The following ABCG2 variants were observed in gnomAD, a reference collection of about 807,000 sequenced individuals.
ABCG2 encodes ATP binding cassette subfamily G member 2 (JR blood group), also known as broad substrate specificity ATP-binding cassette transporter ABCG2.
Under a neutral mutation model 73.5 loss-of-function variants are expected in ABCG2, and 80 were observed. The ratio of observed to expected loss-of-function variants is 1.09; its 90% CI spans 0.91 to 1.31. ABCG2 has a LOEUF of 1.31. Ranked by LOEUF, ABCG2 falls within the 50% of genes most tolerant of loss-of-function variation. The pLI, the probability that ABCG2 is intolerant of heterozygous loss-of-function variation, is 0.00. For missense variants in ABCG2, 796 were observed against 786.2 expected, an observed-to-expected ratio of 1.01 and a Z score of -0.15; for synonymous variants, 269 against 282.4, an observed-to-expected ratio of 0.95 and a Z score of 0.48.
chr4:88,216,490 G>C (rs968325481), intron 1 of ABCG2, among the ~76,000 whole-genome samples: 7 of 152,168 alleles, frequency 4.6e-5, no homozygotes, highest in African/African-American at 1.7e-4. Flanking sequence ...TGCAAACTGT[G>C]CCAGCATGGA....
intron 1 of ABCG2, among the ~76,000 whole-genome samples, chr4:88,188,345 C>G (rs1245955967): frequency 6.6e-6 from 1 of 151,884 alleles, no homozygotes; most frequent in Non-Finnish European, 1.5e-5. Context: ...AAACGTCTGT[C>G]TCTATGCCCA....
intron 1 of ABCG2, among the ~76,000 whole-genome samples, chr4:88,203,898 C>G (rs2110116984): frequency 6.6e-6 from 1 of 151,848 alleles, no homozygotes; most frequent in South Asian, 2.1e-4. Context: ...TACAGATTAC[C>G]CTGAAATACT....
Position 88,131,134 on chromosome 4 carries a change from G to T in ABCG2, c.458C>A (p.Thr153Lys), listed in dbSNP as rs753759474. 6.2e-7 allele frequency: 1 copy of T among 1,613,804 alleles called. No homozygotes were observed. The highest frequency in any genetic ancestry group is 8.5e-7 in the Non-Finnish European group (1 of 1,179,954). The change falls in exon 5 of 16, where the codon ACG becomes AAG. Residue 153 changes from threonine to lysine, a missense_variant. Thr to Lys is a moderately conservative substitution (Grantham distance 78, BLOSUM62 -1). Transcript: ENST00000237612. ...AATCCGTTCGTTTTTTTCATGATTC[G>T]TCATAGTTGTTGCAAGCCGAAGAGC... Reference protein sequence around the residue: ...SAALRLATTMTNHEKNERINR... With the variant: ...SAALRLATTMKNHEKNERINR...
At chr4:88,180,269 C>T (rs552184278) in intron 1 of ABCG2, among the ~76,000 whole-genome samples, 95 of 152,154 alleles carry the variant, frequency 6.2e-4, no homozygotes, top group African/African-American at 2.1e-3. Flanking sequence ...AGTGACATGA[C>T]ATATTTAAAG....
chr4:88,128,529 C>G lies in ABCG2; in HGVS notation c.531+2532G>C, dbSNP rs144820227. On this transcript the variant is annotated intron_variant, in intron 5 of 15. Transcript: ENST00000237612. ...AAAGACTTGGAACCAACCCAAATGC[C>G]CATAATGATAGACTGAATAAAGAAA... Among the ~76,000 whole-genome samples the G allele has an allele frequency of 2.9e-3, 449 of 152,258 alleles. 2 individuals carry two copies. The highest frequency in any genetic ancestry group is 0.01 in the African/African-American group (427 of 41,542).
At chr4:88,171,674 G>A (rs757942558) in intron 1 of ABCG2, among the ~76,000 whole-genome samples, 1 of 151,456 alleles carries the variant, frequency 6.6e-6, no homozygotes, top group Non-Finnish European at 1.5e-5. Context: ...TCTATGGCTT[G>A]CTTGATCTCT....
chr4:88,139,899 C>G lies in ABCG2; in HGVS notation c.97G>C (p.Glu33Gln). The G allele has an allele frequency of 6.2e-7, 1 of 1,614,152 alleles. No homozygotes were observed. Among genetic ancestry groups the G allele is most frequent in the South Asian group, 1.1e-5 (1 of 91,084 alleles). The stretch of plus-strand genomic sequence containing the variant: ...TTATGAAAACTTAACACAGCTCCTT[C>G]AGTAAATGCCTTCAGGTCATTGGAA... The part of the protein sequence containing the change: ...TASNDLKAFT[E>Q]GAVLSFHNIC... The change falls in exon 2 of 16, where the codon GAA becomes CAA. Residue 33 changes from glutamate to glutamine, a missense_variant. Glu to Gln is a conservative substitution (Grantham distance 29). Coordinates refer to ENST00000237612, the MANE Select transcript of ABCG2 (RefSeq NM_004827.3).
rs529600063 is a variant in ABCG2, at chr4:88,202,373, T to C, written c.-20+28621A>G. 2.7e-3 allele frequency among the ~76,000 whole-genome samples: 352 copies of C among 128,352 alleles called. 30 individuals carry two copies. Among genetic ancestry groups the C allele is most frequent in the African/African-American group, 9.3e-3 (313 of 33,754 alleles). 84.2% of individuals were successfully genotyped at this position (128,352 alleles called of 152,430 possible). ...AATTATTTATATATATATATATATATATATGTATATTTTAATTAGCTGGGC... is the reference window on the plus strand; with the variant it reads ...AATTATTTATATATATATATATATACATATGTATATTTTAATTAGCTGGGC... On this transcript the variant is annotated intron_variant, in intron 1 of 15. Coordinates refer to the ABCG2 transcript ENST00000515655.
chr4:88,141,412 C>A (rs766171035), intron 1 of ABCG2, among the ~76,000 whole-genome samples: 1 of 152,084 alleles, frequency 6.6e-6, no homozygotes, highest in African/African-American at 2.4e-5. Context: ...AGAAATGAGT[C>A]GGCTTACTGA....
At chr4:88,213,315 A>G (rs1729675154) in intron 1 of ABCG2, among the ~76,000 whole-genome samples, 1 of 152,112 alleles carries the variant, frequency 6.6e-6, no homozygotes. Flanking sequence ...TTCCTATTTC[A>G]ACACCGAAAC....
At chr4:88,175,047 G>A (rs1727902234) in intron 1 of ABCG2, among the ~76,000 whole-genome samples, 1 of 152,038 alleles carries the variant, frequency 6.6e-6, no homozygotes, top group African/African-American at 2.4e-5. Flanking sequence ...AGGAAATTCG[G>A]AAACACAAAG....
chr4:88,105,102 C>A (rs558100534), intron 10 of ABCG2, among the ~76,000 whole-genome samples: 318 of 152,284 alleles, frequency 2.1e-3, no homozygotes, highest in Non-Finnish European at 3.6e-3. Flanking sequence ...GATACCTCAG[C>A]CCTCAGGGAA....
At chr4:88,202,354 T>TATATATATATA (rs1553945717) in intron 1 of ABCG2, among the ~76,000 whole-genome samples, 1,339 of 62,026 alleles carry the variant, frequency 0.022, 378 homozygotes, top group Non-Finnish European at 0.028. Context: ...CTACAATTAT[T>TATATATATATA]TATATATATA....
chr4:88,170,784 C>A (rs28440048), intron 1 of ABCG2, among the ~76,000 whole-genome samples: 2 of 152,310 alleles, frequency 1.3e-5, no homozygotes, highest in Admixed American at 6.5e-5. Context: ...AGCGAGCGAC[C>A]GGCTCCTCTT....
chr4:88,139,727 C>T, intron 2 of ABCG2, 66 bp downstream of exon 2: 2 of 1,441,946 alleles, frequency 1.4e-6, no homozygotes, highest in South Asian at 1.3e-5. Context: ...TTGGAAATAG[C>T]CAAAACCTGT....
intron 2 of ABCG2, among the ~76,000 whole-genome samples, chr4:88,133,955 G>A (rs553476845): frequency 3.3e-4 from 50 of 151,296 alleles, no homozygotes; most frequent in African/African-American, 1.1e-3. Flanking sequence ...CCGAGATCAC[G>A]TCATTGTACT....
intron 1 of ABCG2, among the ~76,000 whole-genome samples, chr4:88,154,690 A>AATAATGTCCTGAT (rs1560721702): frequency 1.3e-5 from 2 of 152,134 alleles, no homozygotes; most frequent in Non-Finnish European, 2.9e-5. Flanking sequence ...TGGTATCAGG[A>AATAATGTCCTGAT]ATAATGTGGG....
intron 1 of ABCG2, among the ~76,000 whole-genome samples, chr4:88,189,800 C>T (rs183487581): frequency 6.6e-4 from 100 of 152,280 alleles, no homozygotes; most frequent in African/African-American, 2.3e-3. Context: ...AAATCAGGCA[C>T]TTGTTAATAA....
In ABCG2 at chr4:88,114,961, A is replaced by G. The variant is rs1406003800; in HGVS notation, c.939T>C (p.Phe313=). ...TAVALNREED[F]KATEIIEPSK... is the part of the protein sequence containing the mutation. ...GACTGTAACAGATTCATATACCTTT[A>G]AAGTCTTCTTCTCTGTTTAATGCCA... Residue 313 remains phenylalanine, a synonymous_variant, in exon 8 of 16, where the codon TTT becomes TTC. Transcript: ENST00000237612. 2 of 1,606,676 alleles carry G rather than the reference A, an allele frequency of 1.2e-6. No individual in the cohort carries two copies. Among genetic ancestry groups the G allele is most frequent in the East Asian group, 2.2e-5 (1 of 44,678 alleles).
Sources: gnomAD v4.1 joint callset for allele counts (sites outside exome capture counted in the v4.1 genomes callset) on GRCh38, gnomAD v4.1.1 for gene constraint, MANE v1.5 for transcripts, NCBI Gene and HGNC (gene_info 2026-07-23, HGNC 2026-07-21) for gene names.